The following EXT2 variants were observed in gnomAD, a reference collection of about 807,000 sequenced individuals.
The protein encoded by EXT2 is exostosin-2.
EXT2 carries 53 observed loss-of-function variants against 81.6 expected under a neutral mutation model. That is an observed-to-expected ratio of 0.65 (90% CI 0.52 to 0.82). EXT2 has a LOEUF of 0.82. Ranked by LOEUF, EXT2 falls within the 40% of genes least tolerant of loss-of-function variation. The pLI, the probability that EXT2 is intolerant of heterozygous loss-of-function variation, is 0.00. For synonymous variants in EXT2, 320 were observed against 340.0 expected (o/e 0.94, Z 0.65); for missense variants, 774 against 910.2 (o/e 0.85, Z 1.93).
Position 44,119,127 on chromosome 11 carries a change from TATATATATATATATATATATATATA to T in EXT2, c.743+4827_743+4851del, listed in dbSNP as rs1954268294. 4.9e-4 allele frequency among the ~76,000 whole-genome samples: 14 copies of T among 28,800 alleles called. No individual in the cohort carries two copies. In the South Asian group the frequency reaches 0.011, roughly 22 times the overall value. 18.9% of individuals were successfully genotyped at this position (28,800 alleles called of 152,430 possible). A position where few individuals can be genotyped will look rare whatever the true frequency, so the allele number is the denominator to read the frequency against. ...CCCCCAGGGGACATTTGGCTATTTA[TATATATATATATATATATATATATA>T]TATATATATATATATATACACATAC... On this transcript the variant is annotated intron_variant, in intron 4 of 13. Transcript: ENST00000533608.
At chr11:44,227,195 A>G (rs900877758) in intron 10 of EXT2, among the ~76,000 whole-genome samples, 17 of 152,206 alleles carry the variant, frequency 1.1e-4, no homozygotes, top group African/African-American at 4.1e-4. Flanking sequence ...GACTGCGGTT[A>G]GCACACACCC....
intron 10 of EXT2, among the ~76,000 whole-genome samples, chr11:44,210,181 A>C (rs1357896444): frequency 6.6e-6 from 1 of 152,240 alleles, no homozygotes; most frequent in Non-Finnish European, 1.5e-5. Context: ...GTCTGCACAA[A>C]TATTTGTACG....
At chr11:44,099,190 G>T (rs1412413940) in intron 1 of EXT2, among the ~76,000 whole-genome samples, 4 of 151,660 alleles carry the variant, frequency 2.6e-5, no homozygotes, top group African/African-American at 7.3e-5. Context: ...TTTTTTGTTT[G>T]TTTGTTCGTT....
intron 7 of EXT2, among the ~76,000 whole-genome samples, chr11:44,132,851 A>G (rs1357155944): frequency 6.6e-6 from 1 of 151,544 alleles, no homozygotes; most frequent in South Asian, 2.1e-4. Context: ...CACTAGTCCC[A>G]CTCCCCTTTC....
At chr11:44,169,221 AAAAT>A (rs918963601) in intron 7 of EXT2, among the ~76,000 whole-genome samples, 4 of 151,886 alleles carry the variant, frequency 2.6e-5, no homozygotes, top group Non-Finnish European at 2.9e-5. Context: ...CTCTGTCTCA[AAAAT>A]AAATAAATAA....
chr11:44,123,426 T>C (rs2135011024), intron 4 of EXT2, among the ~76,000 whole-genome samples: 1 of 152,364 alleles, frequency 6.6e-6, no homozygotes, highest in African/African-American at 2.4e-5. Context: ...CAGTGTGTGC[T>C]GCTTCTAGGC....
At chr11:44,227,265 G>T (rs952940496) in intron 10 of EXT2, among the ~76,000 whole-genome samples, 8 of 152,164 alleles carry the variant, frequency 5.3e-5, no homozygotes, top group Admixed American at 5.2e-4. Flanking sequence ...TTCTTTTTAG[G>T]ACCATTTATT....
At chr11:44,103,681 T>C in intron 1 of EXT2, 1 of 456,420 alleles carries the variant, frequency 2.2e-6, no homozygotes, top group South Asian at 1.7e-5. Context: ...TTTTAAACTT[T>C]TGATTCAGTG....
chr11:44,118,170 A>G (rs1340698528), intron 4 of EXT2, among the ~76,000 whole-genome samples: 1 of 152,236 alleles, frequency 6.6e-6, no homozygotes, highest in Non-Finnish European at 1.5e-5. Flanking sequence ...TGAATATGAT[A>G]GCTGATGCTG....
Position 44,243,154 on chromosome 11 carries a change from G to A in EXT2, c.2019-995G>A, listed in dbSNP as rs76995555. On this transcript the variant is annotated intron_variant, in intron 13 of 13. Transcript: ENST00000533608. ...TAGTGCTCTCAGATGTCCTGGGCCC[G>A]ACTGAGGCAAGAGTGTTGACCTTTC... 2.7e-3 allele frequency among the ~76,000 whole-genome samples: 406 copies of A among 152,294 alleles called. 1 individual carries two copies. The highest frequency in any genetic ancestry group is 8.9e-3 in the African/African-American group (368 of 41,562).
intron 8 of EXT2, among the ~76,000 whole-genome samples, chr11:44,187,575 G>A (rs1955333916): frequency 2.0e-5 from 3 of 152,194 alleles, no homozygotes; most frequent in Admixed American, 2.0e-4. Flanking sequence ...GTGGAGCTAT[G>A]AGAAGTGAAG....
In EXT2 at chr11:44,245,107, A is replaced by G. The variant is rs1303704500; in HGVS notation, c.*820A>G. ...CGTAAGAAGGTCCCAAATCATAACC[A>G]TTTTAAGAACAGATGACTCAGAAAC... On this transcript the variant is annotated 3_prime_UTR_variant, in exon 14 of 14. Transcript: ENST00000533608. 1 of 230,494 alleles carries G rather than the reference A, an allele frequency of 4.3e-6. No individual in the cohort carries two copies. The highest frequency in any genetic ancestry group is 8.6e-6 in the Non-Finnish European group (1 of 116,336). 14.3% of individuals were successfully genotyped at this position (230,494 alleles called of 1,614,324 possible). A position where few individuals can be genotyped will look rare whatever the true frequency, so the allele number is the denominator to read the frequency against.
chr11:44,238,835 C>T (rs908007525), intron 13 of EXT2, among the ~76,000 whole-genome samples: 6 of 152,154 alleles, frequency 3.9e-5, no homozygotes, highest in African/African-American at 1.4e-4. Flanking sequence ...CAAGAAGAAG[C>T]CCAATTTGGA....
At chr11:44,174,652 A>G (rs1483190074) in intron 8 of EXT2, among the ~76,000 whole-genome samples, 2 of 152,100 alleles carry the variant, frequency 1.3e-5, no homozygotes, top group Non-Finnish European at 2.9e-5. Context: ...ATATTTTTAG[A>G]TATACAATTA....
intron 7 of EXT2, among the ~76,000 whole-genome samples, chr11:44,163,099 C>T (rs1954948901): frequency 1.3e-5 from 2 of 152,182 alleles, no homozygotes; most frequent in Non-Finnish European, 2.9e-5. Context: ...TTCCTCTGCT[C>T]TTCTGGAGAA....
intron 1 of EXT2, 116 bp from the exon 2 acceptor site, chr11:44,107,567 G>A (rs1225563218): frequency 3.2e-6 from 3 of 949,426 alleles, no homozygotes; most frequent in Non-Finnish European, 4.6e-6. Context: ...CTGAGTGACA[G>A]AGTGAAACCC....
At position 44,239,964 on chromosome 11, in the gene EXT2, T is replaced by A. The variant is rs561054133; in HGVS notation, c.2018+3589T>A. Among the ~76,000 whole-genome samples, 22 of 152,268 alleles carry A rather than the reference T, an allele frequency of 1.4e-4. 1 individual carries two copies. Among genetic ancestry groups the A allele is most frequent in the African/African-American group, 5.1e-4 (21 of 41,550 alleles). The stretch of plus-strand genomic sequence containing the variant: ...GCATATAACCTTCGCATATCCTTCT[T>A]TATAGTTTAAATCATCTCTAGATTA... On this transcript the variant is annotated intron_variant, in intron 13 of 13. Transcript: ENST00000533608.
intron 8 of EXT2, among the ~76,000 whole-genome samples, chr11:44,191,721 TC>T (rs1176719398): frequency 3.3e-5 from 5 of 152,184 alleles, no homozygotes; most frequent in Non-Finnish European, 7.3e-5. Context: ...GAAATGTTCC[TC>T]CCCAGGAAGC....
intron 8 of EXT2, among the ~76,000 whole-genome samples, chr11:44,193,540 T>A (rs1955418844): frequency 6.6e-6 from 1 of 152,194 alleles, no homozygotes; most frequent in Non-Finnish European, 1.5e-5. Flanking sequence ...AGCTGGCAAG[T>A]GAAAGAACCT....
Sources: allele counts gnomAD v4.1 joint callset (sites outside exome capture counted in the v4.1 genomes callset), GRCh38; gene constraint gnomAD v4.1.1; transcripts MANE v1.5; gene names NCBI Gene and HGNC (gene_info 2026-07-23, HGNC 2026-07-21).